The following XDH variants were observed in gnomAD, a reference collection of about 807,000 sequenced individuals.
XDH encodes the protein xanthine dehydrogenase.
XDH carries 138 observed loss-of-function variants against 156.1 expected under a neutral mutation model. The observed-to-expected ratio is 0.88, with a 90% CI of 0.77 to 1.02. XDH has a LOEUF of 1.02. Among genes scored for constraint, XDH ranks in the 50% least tolerant of loss-of-function variants. The pLI is 0.00. For missense variants in XDH, 1,849 were observed against 1,684.9 expected (o/e 1.10, Z -1.71); for synonymous variants, 669 against 625.7 (o/e 1.07, Z -1.03).
intron 13 of XDH, among the ~76,000 whole-genome samples, chr2:31,378,376 T>C (rs1457705202): frequency 2.6e-5 from 4 of 152,302 alleles, no homozygotes; most frequent in African/African-American, 9.6e-5. Flanking sequence ...TGTGTCAGGT[T>C]CCTTTTGAGG....
intron 30 of XDH, among the ~76,000 whole-genome samples, chr2:31,346,177 C>T (rs1685283961): frequency 6.6e-6 from 1 of 152,188 alleles, no homozygotes. Flanking sequence ...CCACAGCCTC[C>T]CGCCTGCAAG....
At chr2:31,348,406 C>A (rs956799401) in intron 27 of XDH, 43 bp from the exon 28 acceptor site, 4 of 1,591,472 alleles carry the variant, frequency 2.5e-6, no homozygotes, top group Non-Finnish European at 3.4e-6. Context: ...TCAGTAAAAT[C>A]CAACTCATTA....
intron 21 of XDH, 42 bp downstream of exon 21, chr2:31,366,828 G>A (rs751136072): frequency 5.0e-6 from 8 of 1,612,918 alleles, no homozygotes; most frequent in East Asian, 4.5e-5. Flanking sequence ...GGAGCTCCCC[G>A]CTACCCTGAC....
At chr2:31,383,219 T>A (rs1686489030) in intron 10 of XDH, 67 bp from the exon 11 acceptor site, 1 of 1,610,858 alleles carries the variant, frequency 6.2e-7, no homozygotes, top group Non-Finnish European at 8.5e-7. Context: ...CATGCACAGC[T>A]CCTCTGAAGC....
intron 6 of XDH, among the ~76,000 whole-genome samples, chr2:31,397,442 AC>A (rs1686941119): frequency 6.6e-6 from 1 of 152,158 alleles, no homozygotes. Flanking sequence ...CGGTCTCCAG[AC>A]CATCACTGGC....
intron 4 of XDH, among the ~76,000 whole-genome samples, chr2:31,400,817 G>A (rs935622258): frequency 5.9e-5 from 9 of 152,226 alleles, no homozygotes; most frequent in African/African-American, 1.9e-4. Context: ...CAGGGAGTAA[G>A]TGGGCTTATA....
intron 24 of XDH, among the ~76,000 whole-genome samples, chr2:31,362,076 G>T (rs1685794326): frequency 6.6e-6 from 1 of 151,746 alleles, no homozygotes; most frequent in Admixed American, 6.6e-5. Context: ...ATATATAACT[G>T]ATCTTTACAA....
At position 31,397,720 on chromosome 2, in the gene XDH, C is replaced by G; in HGVS notation, c.443G>C (p.Cys148Ser). Residue 148 changes from cysteine to serine, a missense_variant, in exon 6 of 36, where the codon TGC (cysteine) becomes TCC (serine). By Grantham distance (112) the Cys-to-Ser change is moderately radical (BLOSUM62 -1). Coordinates refer to ENST00000379416, the MANE Select transcript of XDH (RefSeq NM_000379.4). ...EIENAFQGNL[C>S]RCTGYRPILQ... The stretch of plus-strand genomic sequence containing the variant: ...GATGGGTCTGTAGCCTGTGCAGCGG[C>G]ACAGATTTCCTGTGGGCCAAGGAAA... The G allele has an allele frequency of 6.2e-7, 1 of 1,614,186 alleles. No homozygotes were observed. The highest frequency in any genetic ancestry group is 8.5e-7 in the Non-Finnish European group (1 of 1,180,018).
rs71405566 is a variant in XDH at position 31,374,994 on chromosome 2, C to CCTTTCTTT, written c.1602+378_1602+385dup. Among the ~76,000 whole-genome samples, 85 of 134,394 alleles carry CCTTTCTTT rather than the reference C, an allele frequency of 6.3e-4. 1 individual carries two copies. The highest frequency in any genetic ancestry group is 4.4e-3 in the Middle Eastern group (1 of 228). The allele number at this position is 134,394 out of a possible 152,430, so 88.2% of individuals were successfully genotyped here. ...CACTCTGCATTCCCTTTCTTTTTTT[C>CCTTTCTTT]CTTTCTTTCTTTCTTTCTTTCTTTC... is the stretch of plus-strand genomic sequence containing the variant. On this transcript the variant is annotated intron_variant, in intron 15 of 35. Coordinates refer to ENST00000379416, the MANE Select transcript of XDH (RefSeq NM_000379.4).
At chr2:31,366,251 T>G (rs561730010) in intron 21 of XDH, 142 bp from the exon 22 acceptor site, 3 of 1,478,310 alleles carry the variant, frequency 2.0e-6, no homozygotes, top group East Asian at 2.3e-5. Context: ...CATGCAGCTT[T>G]GTGGTTAGTG....
At chr2:31,342,372 ACCCACAACATCTTTAAAC>A in intron 31 of XDH, 75 bp from the exon 32 acceptor site, 1 of 1,289,264 alleles carries the variant, frequency 7.8e-7, no homozygotes, top group South Asian at 1.2e-5. Flanking sequence ...GTACAGCTTG[ACCCACAACATCTTTAAAC>A]CCCACAAGTT....
intron 34 of XDH, 106 bp from the exon 35 acceptor site, chr2:31,337,923 T>C: frequency 1.6e-6 from 2 of 1,286,140 alleles, no homozygotes; most frequent in Non-Finnish European, 2.1e-6. Context: ...CGAGGAGGGC[T>C]GGTGGCACCA....
chr2:31,382,398 C>T (rs1489825022), intron 11 of XDH, among the ~76,000 whole-genome samples: 1 of 152,010 alleles, frequency 6.6e-6, no homozygotes, highest in Non-Finnish European at 1.5e-5. Flanking sequence ...TTTAAAAAAA[C>T]AATTTAAAAA....
Position 31,342,303 on chromosome 2 carries a change from A to G in XDH, c.3405-6T>C. ...TGTAGCCCAGATTGGGTGTTCTGGGAGAGGAAAGAGAAGGTACTGCACATG... is the reference window on the plus strand; with the variant it reads ...TGTAGCCCAGATTGGGTGTTCTGGGGGAGGAAAGAGAAGGTACTGCACATG... On this transcript the variant is annotated splice_polypyrimidine_tract_variant and splice_region_variant and intron_variant, in intron 31 of 35. Transcript: ENST00000379416. 1 of 1,611,276 alleles carries G rather than the reference A, an allele frequency of 6.2e-7. No homozygotes were observed. The highest frequency in any genetic ancestry group is 8.5e-7 in the Non-Finnish European group (1 of 1,177,694).
intron 24 of XDH, among the ~76,000 whole-genome samples, chr2:31,354,800 A>G (rs1685581861): frequency 6.6e-6 from 1 of 152,228 alleles, no homozygotes. Flanking sequence ...GACTATAACA[A>G]AAGACCTAAC....
At chr2:31,387,503 G>T (rs1686642473) in intron 8 of XDH, among the ~76,000 whole-genome samples, 1 of 152,098 alleles carries the variant, frequency 6.6e-6, no homozygotes, top group Non-Finnish European at 1.5e-5. Flanking sequence ...TGGTTATAGT[G>T]AACCTGCTAC....
intron 1 of XDH, among the ~76,000 whole-genome samples, chr2:31,410,465 T>C (rs1572575919): frequency 6.6e-6 from 1 of 152,312 alleles, no homozygotes; most frequent in South Asian, 2.1e-4. Flanking sequence ...GAACAAGAAT[T>C]TGTATCATTC....
chr2:31,399,270 T>C (rs1235067893), intron 4 of XDH, among the ~76,000 whole-genome samples: 1 of 152,148 alleles, frequency 6.6e-6, no homozygotes, highest in Non-Finnish European at 1.5e-5. Flanking sequence ...ATTGGAAATG[T>C]AACTTCTGAG....
Position 31,356,327 on chromosome 2 carries a change from ATATATTCACTTTC to A in XDH, c.2632-6117_2632-6105del, listed in dbSNP as rs1227365781. Reference sequence around the variant, plus strand: ...AGGAAAAAGAAATGCCTCCCCAAAGATATATTCACTTTCTAATCATGGAACCTGTAAATACTAC... The same window carrying A: ...AGGAAAAAGAAATGCCTCCCCAAAGATAATCATGGAACCTGTAAATACTAC... On this transcript the variant is annotated intron_variant, in intron 24 of 35. Coordinates refer to ENST00000379416, the MANE Select transcript of XDH (RefSeq NM_000379.4). Among the ~76,000 whole-genome samples the A allele has an allele frequency of 3.3e-5, 5 of 152,318 alleles. No homozygotes were observed. The East Asian group carries it at 9.7e-4, about 29-fold the overall frequency.
Sources: allele counts gnomAD v4.1 joint callset (sites outside exome capture counted in the v4.1 genomes callset), GRCh38; gene constraint gnomAD v4.1.1; transcripts MANE v1.5; gene names NCBI Gene and HGNC (gene_info 2026-07-23, HGNC 2026-07-21).